NPC1: variants seen among roughly 807,000 people sequenced by gnomAD.
NPC1 encodes the protein Niemann-Pick C1 protein.
In NPC1, 85 loss-of-function variants were observed where a neutral mutation model predicts 140.4. The observed-to-expected ratio is 0.61, with a 90% CI of 0.51 to 0.72. The LOEUF (loss-of-function observed/expected upper bound fraction) is 0.72. Ranked by LOEUF, NPC1 falls within the 30% of genes least tolerant of loss-of-function variation. NPC1 has a pLI of 0.00. For synonymous variants in NPC1, 656 were observed against 624.8 expected, an observed-to-expected ratio of 1.05 and a Z score of -0.74; for missense variants, 1,504 against 1,623.8, an observed-to-expected ratio of 0.93 and a Z score of 1.27.
At chr18:23,543,331 AG>A (rs377075705) in intron 14 of NPC1, 123 bp downstream of exon 14, 2 of 567,978 alleles carry the variant, frequency 3.5e-6, no homozygotes, top group East Asian at 3.2e-5. Flanking sequence ...TCCGTCTCAG[AG>A]AAAAAAAAAA....
At chr18:23,571,966 G>C in intron 3 of NPC1, 108 bp downstream of exon 3, 1 of 540,366 alleles carries the variant, frequency 1.9e-6, no homozygotes, top group Non-Finnish European at 3.4e-6. Flanking sequence ...ATATAATATA[G>C]ACATATAATA....
rs1598926459 is a variant in NPC1, at chr18:23,531,739, C to T, written c.*463G>A. ...CTGTTTTTTTATATAAAAATGTGTACAAAGTTAATTTATTGCATTAATAAA... is the reference window on the plus strand; with the variant it reads ...CTGTTTTTTTATATAAAAATGTGTATAAAGTTAATTTATTGCATTAATAAA... On this transcript the variant is annotated 3_prime_UTR_variant, in exon 25 of 25. Coordinates refer to ENST00000269228, the MANE Select transcript of NPC1 (RefSeq NM_000271.5). 1 of 1,591,990 alleles carries T rather than the reference C, an allele frequency of 6.3e-7. No homozygotes were observed. Among genetic ancestry groups the T allele is most frequent in the Non-Finnish European group, 8.5e-7 (1 of 1,173,470 alleles).
rs747042784 is a variant in NPC1, at chr18:23,540,445, T to C, written c.2604+3A>G. ...AAAAAAAAAAAAAAGGAAGTCATCT[T>C]ACATCTGGCATCGAAAGAGACTGAT... On this transcript the variant is annotated splice_donor_region_variant and intron_variant, in intron 17 of 24. Transcript: ENST00000269228. 1.7e-5 allele frequency: 26 copies of C among 1,569,146 alleles called. No homozygotes were observed. The South Asian group carries it at 2.2e-4, about 14-fold the overall frequency.
intron 11 of NPC1, among the ~76,000 whole-genome samples, chr18:23,547,446 A>G (rs772430814): frequency 6.6e-5 from 10 of 152,204 alleles, no homozygotes; most frequent in Non-Finnish European, 1.5e-4. Context: ...TGCTGTTAGA[A>G]AACAATGCAG....
Position 23,564,645 on chromosome 18 carries a change from T to C in NPC1, c.464-3118A>G, listed in dbSNP as rs182715324. On this transcript the variant is annotated intron_variant, in intron 4 of 24. Coordinates refer to ENST00000269228, the MANE Select transcript of NPC1 (RefSeq NM_000271.5). ...GCCTTCTTGTCTTTTCTTGATGGCG[T>C]CCTCTGAAATACAAACTTTTTTATT... Among the ~76,000 whole-genome samples the C allele has an allele frequency of 3.2e-3, 489 of 152,260 alleles. 2 individuals are homozygous for C. The highest frequency in any genetic ancestry group is 0.011 in the African/African-American group (467 of 41,564).
At chr18:23,555,205 G>A (rs1049190679) in intron 8 of NPC1, among the ~76,000 whole-genome samples, 2 of 152,220 alleles carry the variant, frequency 1.3e-5, no homozygotes, top group Non-Finnish European at 2.9e-5. Context: ...CAGAGGCGGC[G>A]AGGGGTAGGG....
rs2145406178 is a variant in NPC1, at chr18:23,545,125, G to A, written c.1782C>T (p.Tyr594=). Residue 594 remains tyrosine, a synonymous_variant, in exon 12 of 25, where the codon TAC becomes TAT. Coordinates refer to ENST00000269228, the MANE Select transcript of NPC1 (RefSeq NM_000271.5). ...AGGAAATGGTCAGATTGGGATTCTT[G>A]TAGTTTTTCACAAAATTAATAAACC... ...EKEFINFVKN[Y]KNPNLTISFT... is the part of the protein sequence containing the mutation. 1.9e-6 allele frequency: 3 copies of A among 1,612,622 alleles called. No homozygotes were observed. Among genetic ancestry groups the A allele is most frequent in the Admixed American group, 1.7e-5 (1 of 60,014 alleles).
At position 23,548,011 on chromosome 18, in the gene NPC1, T is replaced by C. The variant is rs2145416997; in HGVS notation, c.1752A>G (p.Glu584=). The stretch of plus-strand genomic sequence containing the variant: ...CACACCCATGAGTGACTCACTCTTT[T>C]TCCCAGGCCTGGGCCCTCTGGAGCT... ...TEKLQRAQAW[E]KEFINFVKNY... is the part of the protein sequence containing the mutation. Residue 584 remains glutamate (E), a synonymous_variant, in exon 11 of 25, where the codon GAA becomes GAG. Coordinates refer to ENST00000269228, the MANE Select transcript of NPC1 (RefSeq NM_000271.5). 1 of 1,585,422 alleles carries C rather than the reference T, an allele frequency of 6.3e-7. No homozygotes were observed. Among genetic ancestry groups the C allele is most frequent in the Non-Finnish European group, 8.7e-7 (1 of 1,153,914 alleles).
intron 4 of NPC1, among the ~76,000 whole-genome samples, chr18:23,566,914 T>C (rs2059134265): frequency 6.6e-6 from 1 of 152,238 alleles, no homozygotes; most frequent in South Asian, 2.1e-4. Context: ...TAGAACGTCA[T>C]ATAGTGGAAT....
At chr18:23,519,913 G>C (rs1790887052), downstream of NPC1, among the ~76,000 whole-genome samples, 1 of 152,172 alleles carries the variant, frequency 6.6e-6, no homozygotes, top group Non-Finnish European at 1.5e-5. Flanking sequence ...TCTGTGACAC[G>C]TGAGGATGTT....
chr18:23,574,178 C>G (rs527246828), intron 1 of NPC1, among the ~76,000 whole-genome samples: 1 of 152,268 alleles, frequency 6.6e-6, no homozygotes, highest in East Asian at 1.9e-4. Flanking sequence ...AAAGATTTCT[C>G]AAAAACCACT....
In NPC1 at chr18:23,531,929, A is replaced by C; in HGVS notation, c.*273T>G. On this transcript the variant is annotated 3_prime_UTR_variant, in exon 25 of 25. Transcript: ENST00000269228. ...GAGCGGATCACATTCACAGCCATCT[A>C]GTGTCACCTCCTGCTTGCCAAAGAA... The C allele has an allele frequency of 6.9e-7, 1 of 1,444,122 alleles. No individual in the cohort carries two copies. The highest frequency in any genetic ancestry group is 9.0e-7 in the Non-Finnish European group (1 of 1,106,538). 89.5% of individuals were successfully genotyped at this position (1,444,122 alleles called of 1,614,324 possible).
rs200323346 is a variant in NPC1 at position 23,568,844 on chromosome 18, C to T, written c.442G>A (p.Val148Ile). The T allele has an allele frequency of 5.0e-6, 8 of 1,613,882 alleles. No individual in the cohort carries two copies. The highest frequency in any genetic ancestry group is 4.5e-5 in the East Asian group (2 of 44,880). The change falls in exon 4 of 25, where the codon GTC (valine) becomes ATC (isoleucine). Residue 148 changes from valine to isoleucine, a missense_variant. Transcript: ENST00000269228. ...TTACCATTGGCAAAACTCTGTCCGA[C>T]GTAGTATTGTAACTCTTTCACATTT... ...KTNVKELQYY[V>I]GQSFANAMYN... is the part of the protein sequence containing the mutation.
Position 23,544,940 on chromosome 18 carries a change from A to ACCCCCCCCC in NPC1, c.1947+19_1947+20insGGGGGGGGG, listed in dbSNP as rs770879191. 9 of 1,206,056 alleles carry ACCCCCCCCC rather than the reference A, an allele frequency of 7.5e-6. No individual in the cohort carries two copies. The highest frequency in any genetic ancestry group is 8.1e-6 in the Non-Finnish European group (7 of 859,770). 74.7% of individuals were successfully genotyped at this position (1,206,056 alleles called of 1,614,324 possible). A position where few individuals can be genotyped will look rare whatever the true frequency, so the allele number is the denominator to read the frequency against. On this transcript the variant is annotated intron_variant, in intron 12 of 24. Coordinates refer to ENST00000269228, the MANE Select transcript of NPC1 (RefSeq NM_000271.5). ...ACTGCTGTTAACCTCTAGAACATAC[A>ACCCCCCCCC]CCACCCCCCCCCGGCTTACCAGAAG...
intron 9 of NPC1, among the ~76,000 whole-genome samples, chr18:23,553,060 C>T (rs1427706732): frequency 6.6e-6 from 1 of 152,146 alleles, no homozygotes; most frequent in Admixed American, 6.5e-5. Flanking sequence ...AGCGCTAGGG[C>T]GAGACTGGGG....
At chr18:23,580,684 G>C (rs1420938880) in intron 1 of NPC1, among the ~76,000 whole-genome samples, 4 of 152,186 alleles carry the variant, frequency 2.6e-5, no homozygotes, top group Non-Finnish European at 5.9e-5. Flanking sequence ...GGAGGAGAGG[G>C]GCTTGCTGGT....
intron 10 of NPC1, among the ~76,000 whole-genome samples, chr18:23,551,054 A>T (rs1472491587): frequency 2.6e-5 from 4 of 152,210 alleles, no homozygotes; most frequent in African/African-American, 9.6e-5. Flanking sequence ...AATTTGGCTT[A>T]AGATGCCAAA....
intron 20 of NPC1, among the ~76,000 whole-genome samples, chr18:23,537,408 T>C (rs59635542): frequency 0.014 from 2,090 of 152,282 alleles, 36 homozygotes; most frequent in African/African-American, 0.049. Flanking sequence ...TCTGGGTTCT[T>C]TGGTACATAG....
At position 23,556,491 on chromosome 18, in the gene NPC1, A is replaced by C. The variant is rs1178941200; in HGVS notation, c.1078T>G (p.Phe360Val). 2 of 1,614,086 alleles carry C rather than the reference A, an allele frequency of 1.2e-6. No homozygotes were observed. The highest frequency in any genetic ancestry group is 2.2e-5 in the East Asian group (1 of 44,900). ...AGGCCTGACGAACACGCAGTAATGA[A>C]GACCAGCGAGAAGAAAATGACACAG... Reference protein sequence around the residue: ...PGCVIFFSLVFITACSSGLVF... With the variant: ...PGCVIFFSLVVITACSSGLVF... Residue 360 changes from phenylalanine to valine, a missense_variant, in exon 8 of 25, where the codon TTC becomes GTC. Phe to Val is a conservative substitution (Grantham distance 50, BLOSUM62 -1). Transcript: ENST00000269228.
Sources: allele counts gnomAD v4.1 joint callset (sites outside exome capture counted in the v4.1 genomes callset), GRCh38; gene constraint gnomAD v4.1.1; transcripts MANE v1.5; gene names NCBI Gene and HGNC (gene_info 2026-07-23, HGNC 2026-07-21).